ASPA: variants seen among roughly 807,000 people sequenced by gnomAD.
ASPA encodes aspartoacylase.
ASPA carries 25 observed loss-of-function variants against 29.6 expected under a neutral mutation model. That is an observed-to-expected ratio of 0.85 (90% CI 0.62 to 1.18). The LOEUF is 1.18. Among genes scored for constraint, ASPA ranks in the 50% most tolerant of loss-of-function variants. The pLI is 0.00. For synonymous variants in ASPA, 131 were observed against 130.3 expected (o/e 1.01, Z -0.04); for missense variants, 333 against 385.7 (o/e 0.86, Z 1.14).
Position 3,476,240 on chromosome 17 carries a change from A to C in ASPA, c.81A>C (p.Gly27=). 2 of 1,614,176 alleles carry C rather than the reference A, an allele frequency of 1.2e-6. No individual in the cohort carries two copies. The highest frequency in any genetic ancestry group is 1.7e-6 in the Non-Finnish European group (2 of 1,180,024). The change falls in exon 1 of 6, where the codon GGA becomes GGC. Residue 27 remains glycine, a synonymous_variant. Transcript: ENST00000263080. ...FGGTHGNELT[G]VFLVKHWLEN... ...GAACCCATGGGAATGAGCTAACCGG[A>C]GTATTTCTGGTTAAGCATTGGCTAG...
In ASPA at chr17:3,481,664, T is replaced by A. The variant is rs902590807; in HGVS notation, c.298T>A (p.Phe100Ile). The change falls in exon 2 of 6, where the codon TTT becomes ATT. Residue 100 changes from phenylalanine to isoleucine, a missense_variant. Physicochemically the swap from Phe to Ile is conservative, Grantham distance 21. Coordinates refer to ENST00000263080, the MANE Select transcript of ASPA (RefSeq NM_000049.4). Reference protein sequence around the residue: ...VRRAQEINHLFGPKDSEDSYD... With the variant: ...VRRAQEINHLIGPKDSEDSYD... ...AAGGGCTCAAGAAATAAATCATTTA[T>A]TTGGTCCAAAAGACAGTGAAGATTC... 1.2e-6 allele frequency: 2 copies of A among 1,613,826 alleles called. No homozygotes were observed. Among genetic ancestry groups the A allele is most frequent in the African/African-American group, 2.7e-5 (2 of 74,924 alleles).
chr17:3,475,903 G>A, upstream of ASPA: 3 of 501,208 alleles, frequency 6.0e-6, no homozygotes, highest in Non-Finnish European at 1.1e-5. Flanking sequence ...AGAAGTTAAA[G>A]TAAACAGCTG....
chr17:3,483,411 CGTATTGAAG>C lies in ASPA; in HGVS notation c.433-82_433-74del, dbSNP rs568920545. ...ACCAATCTTAGTTGATGAAGTAAAA[CGTATTGAAG>C]GTATTATTGACTCTGTTGAAGCAAA... is the stretch of plus-strand genomic sequence containing the variant. On this transcript the variant is annotated intron_variant, in intron 2 of 5. Coordinates refer to ENST00000263080, the MANE Select transcript of ASPA (RefSeq NM_000049.4). 725 of 1,094,762 alleles carry C rather than the reference CGTATTGAAG, an allele frequency of 6.6e-4. 13 individuals are homozygous for C. The South Asian group carries it at 8.8e-3, about 13-fold the overall frequency. The allele number at this position is 1,094,762 out of a possible 1,614,324, so 67.8% of individuals were successfully genotyped here.
At chr17:3,484,377 G>A (rs983752560) in intron 3 of ASPA, among the ~76,000 whole-genome samples, 16 of 152,208 alleles carry the variant, frequency 1.1e-4, no homozygotes, top group African/African-American at 3.9e-4. Context: ...AGGTAACCAG[G>A]TAATCACTGC....
chr17:3,495,022 C>G (rs2073886575), intron 5 of ASPA, among the ~76,000 whole-genome samples: 1 of 152,034 alleles, frequency 6.6e-6, no homozygotes, highest in East Asian at 1.9e-4. Context: ...GCCACCATTC[C>G]CCAACTCTCC....
At chr17:3,497,270 A>G (rs529695492) in intron 5 of ASPA, among the ~76,000 whole-genome samples, 10 of 152,106 alleles carry the variant, frequency 6.6e-5, no homozygotes, top group Non-Finnish European at 1.0e-4. Flanking sequence ...TTCTGGGGCA[A>G]GTCTCTGCCT....
At chr17:3,494,548 A>G in intron 5 of ASPA, 89 bp downstream of exon 5, 1 of 1,100,886 alleles carries the variant, frequency 9.1e-7, no homozygotes, top group East Asian at 2.4e-5. Context: ...CTTCGCGTAC[A>G]TTCGCCCATT....
intron 3 of ASPA, among the ~76,000 whole-genome samples, chr17:3,487,140 A>G (rs948958165): frequency 6.6e-6 from 1 of 152,102 alleles, no homozygotes; most frequent in African/African-American, 2.4e-5. Flanking sequence ...GTTTGCCTAG[A>G]ATGATCCTGT....
rs1301943774 is a variant in ASPA at position 3,488,493 on chromosome 17, C to T, written c.527-742C>T. Among the ~76,000 whole-genome samples the T allele has an allele frequency of 6.6e-6, 1 of 152,074 alleles. No homozygotes were observed. The highest frequency in any genetic ancestry group is 1.5e-5 in the Non-Finnish European group (1 of 68,034). On this transcript the variant is annotated intron_variant, in intron 3 of 5. Coordinates refer to ENST00000263080, the MANE Select transcript of ASPA (RefSeq NM_000049.4). The surrounding 1 kb of genome is among the most constrained non-coding windows in gnomAD (Gnocchi z 6.1). ...CCAACATGGTGAAACCCTGCCTCTACTAAAAATATAAAAATAAGCCAGGAA... is the reference window on the plus strand; with the variant it reads ...CCAACATGGTGAAACCCTGCCTCTATTAAAAATATAAAAATAAGCCAGGAA...
intron 2 of ASPA, among the ~76,000 whole-genome samples, chr17:3,482,532 C>T (rs1198858522): frequency 6.6e-6 from 1 of 151,448 alleles, no homozygotes; most frequent in Non-Finnish European, 1.5e-5. Flanking sequence ...CTTTCTCCTT[C>T]ACTAACCTTA....
rs1555538354 is a variant in ASPA at position 3,478,194 on chromosome 17, A to AAT, written c.236+1813_236+1814dup. Among the ~76,000 whole-genome samples, 415 of 151,092 alleles carry AAT rather than the reference A, an allele frequency of 2.7e-3. 2 individuals carry two copies. Among genetic ancestry groups the AAT allele is most frequent in the African/African-American group, 6.9e-3 (285 of 41,188 alleles). ...AGCGAGACTCCGTCTCAAAAAAAAA[A>AAT]ATATATATATATATAAGATATGCAC... On this transcript the variant is annotated intron_variant, in intron 1 of 5. Coordinates refer to ENST00000263080, the MANE Select transcript of ASPA (RefSeq NM_000049.4).
chr17:3,481,570 T>A (rs758978929), intron 1 of ASPA, 33 bp from the exon 2 acceptor site: 1 of 1,578,674 alleles, frequency 6.3e-7, no homozygotes, highest in African/African-American at 1.3e-5. Flanking sequence ...CAGGCACAGA[T>A]GTTGTTCATC....
intron 4 of ASPA, among the ~76,000 whole-genome samples, chr17:3,492,527 G>C (rs1460502157): frequency 2.0e-5 from 3 of 152,170 alleles, no homozygotes; most frequent in Non-Finnish European, 4.4e-5. Flanking sequence ...TTCAGAGATA[G>C]AGTCTATTTT....
At position 3,485,526 on chromosome 17, in the gene ASPA, A is replaced by G. The variant is rs1254784638; in HGVS notation, c.526+1934A>G. On this transcript the variant is annotated intron_variant, in intron 3 of 5. Coordinates refer to ENST00000263080, the MANE Select transcript of ASPA (RefSeq NM_000049.4). This position sits in a 1 kb window ranked among gnomAD's most constrained non-coding sequence, Gnocchi z 4.4. Reference sequence around the variant, plus strand: ...GAAACTCCGTCTCAAAAAAACAAACAAACAAAAATACTAGCCATCTAACAC... The same window carrying G: ...GAAACTCCGTCTCAAAAAAACAAACGAACAAAAATACTAGCCATCTAACAC... 6.6e-6 allele frequency among the ~76,000 whole-genome samples: 1 copy of G among 152,322 alleles called. No homozygotes were observed. The highest frequency in any genetic ancestry group is 3.4e-3 in the Middle Eastern group (1 of 294).
At chr17:3,481,306 C>T (rs566876996) in intron 1 of ASPA, among the ~76,000 whole-genome samples, 3 of 152,060 alleles carry the variant, frequency 2.0e-5, no homozygotes, top group East Asian at 1.9e-4. Context: ...GGATATGTTG[C>T]GTTCAAGATT....
chr17:3,501,030 G>T lies in ASPA; in HGVS notation c.*1942G>T, dbSNP rs75440968. 3 of 152,094 alleles carry T rather than the reference G, an allele frequency of 2.0e-5. No homozygotes were observed. Among genetic ancestry groups the T allele is most frequent in the African/African-American group, 7.2e-5 (3 of 41,402 alleles). 9.4% of individuals were successfully genotyped at this position (152,094 alleles called of 1,614,324 possible). A position where few individuals can be genotyped will look rare whatever the true frequency, so the allele number is the denominator to read the frequency against. Reference sequence around the variant, plus strand: ...CCCAAGAGCTCTGCTGGAGATGTGCGAAGAGATTAGCATTGTTTTCGCGCC... The same window carrying T: ...CCCAAGAGCTCTGCTGGAGATGTGCTAAGAGATTAGCATTGTTTTCGCGCC... On this transcript the variant is annotated 3_prime_UTR_variant, in exon 6 of 6. Transcript: ENST00000263080.
At chr17:3,483,871 T>C (rs2073676179) in intron 3 of ASPA, among the ~76,000 whole-genome samples, 1 of 152,004 alleles carries the variant, frequency 6.6e-6, no homozygotes, top group South Asian at 2.1e-4. Context: ...TAGCCAGGGC[T>C]GGCCTCAAAC....
intron 4 of ASPA, among the ~76,000 whole-genome samples, chr17:3,492,477 G>A (rs137875794): frequency 2.1e-4 from 32 of 152,174 alleles, no homozygotes; most frequent in African/African-American, 7.2e-4. Context: ...TCCCTTTCCC[G>A]CGTCCACATC....
rs764355370 is a variant in ASPA at position 3,495,122 on chromosome 17, G to C, written c.744+663G>C. ...AAAAAAGGCTCTTGAGAGAATGTAGGAGGTTTAAATCCGGAAAAGGCAAAG... is the reference window on the plus strand; with the variant it reads ...AAAAAAGGCTCTTGAGAGAATGTAGCAGGTTTAAATCCGGAAAAGGCAAAG... On this transcript the variant is annotated intron_variant, in intron 5 of 5. Coordinates refer to ENST00000263080, the MANE Select transcript of ASPA (RefSeq NM_000049.4). Among the ~76,000 whole-genome samples, 188 of 152,218 alleles carry C rather than the reference G, an allele frequency of 1.2e-3. 1 individual carries two copies. Among genetic ancestry groups the C allele is most frequent in the Non-Finnish European group, 1.9e-3 (129 of 68,012 alleles).
Sources: allele counts gnomAD v4.1 joint callset (sites outside exome capture counted in the v4.1 genomes callset), GRCh38; gene constraint gnomAD v4.1.1; non-coding constraint Gnocchi (gnomAD v3.1); transcripts MANE v1.5; gene names NCBI Gene and HGNC (gene_info 2026-07-23, HGNC 2026-07-21).